Variants in PGR observed in about 807,000 individuals in gnomAD.
PGR encodes the protein nuclear receptor subfamily 3 group C member 3.
Under a neutral mutation model 76.1 loss-of-function variants are expected in PGR, and 25 were observed. The ratio of observed to expected loss-of-function variants is 0.33; its 90% CI spans 0.24 to 0.46. PGR has a LOEUF of 0.46. Among genes scored for constraint, PGR ranks in the 20% least tolerant of loss-of-function variants. The pLI is 1.00. For synonymous variants in PGR, 579 were observed against 535.0 expected, an observed-to-expected ratio of 1.08 and a Z score of -1.14; for missense variants, 1,172 against 1,225.3, an observed-to-expected ratio of 0.96 and a Z score of 0.65.
intron 3 of PGR, among the ~76,000 whole-genome samples, chr11:101,066,311 G>A (rs1012729616): frequency 5.3e-5 from 8 of 152,188 alleles, no homozygotes; most frequent in East Asian, 3.9e-4. Context: ...CACATTGATC[G>A]TTTCCTTCTT....
chr11:101,033,165 A>G lies in PGR; in HGVS notation c.*5951T>C, dbSNP rs752135454. On this transcript the variant is annotated 3_prime_UTR_variant, in exon 8 of 8. Transcript: ENST00000325455. ...TACTAAGATCAAAAGGAGATACTTT[A>G]CTGGCTAAAGTGAAGAATTCTAAAG... is the stretch of plus-strand genomic sequence containing the variant. The G allele has an allele frequency of 1.4e-5, 3 of 209,438 alleles. No homozygotes were observed. The highest frequency in any genetic ancestry group is 2.9e-5 in the Non-Finnish European group (3 of 102,918). The allele number at this position is 209,438 out of a possible 1,614,324, so 13.0% of individuals were successfully genotyped here.
At chr11:101,059,858 A>G (rs564403856) in intron 4 of PGR, among the ~76,000 whole-genome samples, 215 of 85,224 alleles carry the variant, frequency 2.5e-3, no homozygotes, top group Middle Eastern at 6.2e-3. Context: ...AAAAAAAAAA[A>G]AAAGAAAAAA....
chr11:101,117,489 T>A (rs1434581109), intron 2 of PGR, among the ~76,000 whole-genome samples: 1 of 152,144 alleles, frequency 6.6e-6, no homozygotes, highest in Non-Finnish European at 1.5e-5. Context: ...TGAGATTACA[T>A]AGCAAATGGA....
rs10895056 is a variant in PGR, at chr11:101,051,210, T to A, written c.2357+214A>T. Reference sequence around the variant, plus strand: ...ATTTAAGTTTATCTTTAAATATATTTCTTGATACATTCTTGATGTGTAAGA... The same window carrying A: ...ATTTAAGTTTATCTTTAAATATATTACTTGATACATTCTTGATGTGTAAGA... On this transcript the variant is annotated intron_variant, in intron 5 of 7. Transcript: ENST00000325455. Among the ~76,000 whole-genome samples, 30,585 of 152,006 alleles carry A rather than the reference T, an allele frequency of 0.2. 4,305 individuals are homozygous for A. The highest frequency in any genetic ancestry group is 0.77 in the East Asian group (3,967 of 5,170).
intron 3 of PGR, among the ~76,000 whole-genome samples, chr11:101,087,737 CA>C (rs36071780): frequency 4.3e-4 from 62 of 143,842 alleles, no homozygotes; most frequent in Admixed American, 4.8e-4. Flanking sequence ...GTTGAACAAG[CA>C]AAAAAAAAAA....
chr11:101,081,332 G>A (rs1010088617), intron 3 of PGR, among the ~76,000 whole-genome samples: 7 of 152,056 alleles, frequency 4.6e-5, no homozygotes, highest in African/African-American at 1.7e-4. Context: ...GGGAGGTTGA[G>A]GCAGGAGAAT....
chr11:101,102,598 AG>A (rs1028277705), intron 2 of PGR, among the ~76,000 whole-genome samples: 10 of 152,160 alleles, frequency 6.6e-5, no homozygotes, highest in African/African-American at 2.4e-4. Flanking sequence ...ACAAATCAGT[AG>A]GTTTTAAAAT....
At chr11:101,088,864 G>T (rs989885171) in intron 3 of PGR, among the ~76,000 whole-genome samples, 9 of 152,172 alleles carry the variant, frequency 5.9e-5, no homozygotes, top group African/African-American at 9.7e-5. Context: ...TGAAAAGAAC[G>T]AAGTCACATC....
chr11:101,103,187 T>C (rs1862048827), intron 2 of PGR, among the ~76,000 whole-genome samples: 1 of 152,040 alleles, frequency 6.6e-6, no homozygotes, highest in Admixed American at 6.5e-5. Flanking sequence ...AAAGTCAGTA[T>C]GGTATGACCC....
intron 2 of PGR, among the ~76,000 whole-genome samples, chr11:101,097,673 CTT>C: frequency 6.6e-6 from 1 of 151,874 alleles, no homozygotes; most frequent in African/African-American, 2.4e-5. Context: ...CACCTTTTAA[CTT>C]TTTTTCTTAC....
rs2135517513 is a variant in PGR at position 101,128,643 on chromosome 11, A to C, written c.428T>G (p.Phe143Cys). The part of the protein sequence containing the change: ...ACEVTSSWCL[F>C]GPELPEDPPA... ...TGGATCTTCGGGAAGTTCGGGGCCA[A>C]ACAGGCACCAAGAGCTGGTGACCTC... is the stretch of plus-strand genomic sequence containing the variant. The change falls in exon 1 of 8, where the codon TTT (phenylalanine) becomes TGT (cysteine). Residue 143 changes from phenylalanine (F) to cysteine (C), a missense_variant. Phe to Cys is a radical substitution (Grantham distance 205). Transcript: ENST00000325455. 1 of 1,590,538 alleles carries C rather than the reference A, an allele frequency of 6.3e-7. No individual in the cohort carries two copies. Among genetic ancestry groups the C allele is most frequent in the African/African-American group, 1.3e-5 (1 of 74,796 alleles).
intron 3 of PGR, among the ~76,000 whole-genome samples, chr11:101,066,212 T>A (rs1259471445): frequency 1.3e-5 from 2 of 152,178 alleles, no homozygotes; most frequent in African/African-American, 4.8e-5. Context: ...CCCAACCAAA[T>A]TATTCTTGGC....
At chr11:101,046,277 C>T (rs1417106030) in intron 6 of PGR, among the ~76,000 whole-genome samples, 1 of 141,020 alleles carries the variant, frequency 7.1e-6, no homozygotes, top group Non-Finnish European at 1.5e-5. Flanking sequence ...AGGCACTTGC[C>T]ACTACGCCTG....
At chr11:101,106,393 T>G (rs1329412746) in intron 2 of PGR, among the ~76,000 whole-genome samples, 1 of 151,520 alleles carries the variant, frequency 6.6e-6, no homozygotes, top group Non-Finnish European at 1.5e-5. Context: ...AACAACCTCA[T>G]AAATTGGGCA....
intron 5 of PGR, chr11:101,050,998 A>C (rs1274992424): frequency 4.7e-6 from 1 of 214,880 alleles, no homozygotes. Flanking sequence ...AAATTAATTA[A>C]AATTATTTAA....
rs1859374551 is a variant in PGR, at chr11:101,032,186, CTA to C, written c.*6928_*6929del. Reference sequence around the variant, plus strand: ...CCTTTCGTCAGTCCTGTCAATGTTCCTATGTTATATCTTCCAAAACCCTTCTG... The same window carrying C: ...CCTTTCGTCAGTCCTGTCAATGTTCCTGTTATATCTTCCAAAACCCTTCTG... On this transcript the variant is annotated 3_prime_UTR_variant, in exon 8 of 8. Transcript: ENST00000325455. 3 of 232,704 alleles carry C rather than the reference CTA, an allele frequency of 1.3e-5. No homozygotes were observed. The highest frequency in any genetic ancestry group is 1.1e-4 in the Admixed American group (2 of 17,766). 14.4% of individuals were successfully genotyped at this position (232,704 alleles called of 1,614,324 possible). A position where few individuals can be genotyped will look rare whatever the true frequency, so the allele number is the denominator to read the frequency against.
chr11:101,032,066 T>TGG lies in PGR; in HGVS notation c.*7048_*7049dup. 4.3e-6 allele frequency: 1 copy of TGG among 232,906 alleles called. No homozygotes were observed. Among genetic ancestry groups the TGG allele is most frequent in the East Asian group, 6.1e-5 (1 of 16,492 alleles). 14.4% of individuals were successfully genotyped at this position (232,906 alleles called of 1,614,324 possible). A position where few individuals can be genotyped will look rare whatever the true frequency, so the allele number is the denominator to read the frequency against. On this transcript the variant is annotated 3_prime_UTR_variant, in exon 8 of 8. Transcript: ENST00000325455. ...TGGGAAAACTAAGTTTTGTAGTTTT[T>TGG]GGTTTCCTGATGAAAAATTTGTAAT...
At chr11:101,086,270 T>C (rs1447252326) in intron 3 of PGR, among the ~76,000 whole-genome samples, 2 of 152,144 alleles carry the variant, frequency 1.3e-5, no homozygotes, top group Non-Finnish European at 2.9e-5. Flanking sequence ...ACTCCTGGTA[T>C]GGAAGGTTAG....
chr11:101,080,081 C>T (rs561317630), intron 3 of PGR, among the ~76,000 whole-genome samples: 20 of 152,296 alleles, frequency 1.3e-4, no homozygotes, highest in Non-Finnish European at 2.4e-4. Context: ...CATCAGGGGA[C>T]GCAGGTGGAC....
Sources: gnomAD v4.1 joint callset for allele counts (sites outside exome capture counted in the v4.1 genomes callset) on GRCh38, gnomAD v4.1.1 for gene constraint, MANE v1.5 for transcripts, NCBI Gene and HGNC (gene_info 2026-07-23, HGNC 2026-07-21) for gene names.